VPS41: variants seen among roughly 807,000 people sequenced by gnomAD.
VPS41 encodes the protein vacuolar protein sorting-associated protein 41 homolog.
VPS41 carries 85 observed loss-of-function variants against 130.9 expected under a neutral mutation model. The ratio of observed to expected loss-of-function variants is 0.65; its 90% CI spans 0.55 to 0.78. The LOEUF is 0.78. Among genes scored for constraint, VPS41 ranks in the 30% least tolerant of loss-of-function variants. The probability of loss-of-function intolerance (pLI) is 0.00; values close to 1 mark genes in which losing one functional copy is unlikely to be tolerated. For synonymous variants in VPS41, 335 were observed against 332.9 expected (o/e 1.01, Z -0.07); for missense variants, 874 against 1,018.7 (o/e 0.86, Z 1.93).
Position 38,726,281 on chromosome 7 carries a change from C to CACGG in VPS41, c.2526_2529dup (p.Gly844ProfsTer86). On this transcript the variant is annotated frameshift_variant, in exon 29 of 29. Coordinates refer to ENST00000310301, the MANE Select transcript of VPS41 (RefSeq NM_014396.4). LOFTEE classifies it high-confidence loss of function. ...ATCTCCAAAATTGCACTTCCTGGTC[C>CACGG]ACGGTTCTTAGCACTGCAGATGTTG... 2 of 1,613,950 alleles carry CACGG rather than the reference C, an allele frequency of 1.2e-6. No individual in the cohort carries two copies. Among genetic ancestry groups the CACGG allele is most frequent in the Non-Finnish European group, 1.7e-6 (2 of 1,179,918 alleles).
At position 38,795,563 on chromosome 7, in the gene VPS41, G is replaced by A; in HGVS notation, c.619C>T (p.Pro207Ser). The change falls in exon 9 of 29, where the codon CCC becomes TCC. Residue 207 changes from proline (P) to serine (S), a missense_variant. Pro to Ser is a moderately conservative substitution (Grantham distance 74). Transcript: ENST00000310301. ...IISKQRITNV[P>S]RDDISLRPDM... ...GGGCGAAGACTTATATCATCCCGGG[G>A]CACATTGGTGATTCTTTGCTTTGAG... The A allele has an allele frequency of 1.2e-6, 2 of 1,612,904 alleles. No homozygotes were observed. Among genetic ancestry groups the A allele is most frequent in the Non-Finnish European group, 1.7e-6 (2 of 1,179,282 alleles).
intron 7 of VPS41, among the ~76,000 whole-genome samples, chr7:38,817,234 T>C (rs1323131971): frequency 1.2e-4 from 19 of 152,236 alleles, no homozygotes; most frequent in Admixed American, 1.2e-3. Flanking sequence ...TGCCTCTTTT[T>C]TGTGGGAGGG....
intron 1 of VPS41, among the ~76,000 whole-genome samples, chr7:38,905,950 T>G (rs1482861191): frequency 6.6e-6 from 1 of 151,698 alleles, no homozygotes; most frequent in East Asian, 1.9e-4. Flanking sequence ...CCCACCACCA[T>G]GCCTGACTAA....
chr7:38,822,935 T>C (rs1018966153), intron 5 of VPS41, among the ~76,000 whole-genome samples: 41 of 152,220 alleles, frequency 2.7e-4, no homozygotes, highest in African/African-American at 9.9e-4. Context: ...CAATGAGAAC[T>C]ATTTCCCAAC....
intron 10 of VPS41, among the ~76,000 whole-genome samples, chr7:38,782,760 CAAGA>C (rs1388295068): frequency 1.3e-5 from 2 of 152,144 alleles, no homozygotes; most frequent in Non-Finnish European, 2.9e-5. Flanking sequence ...TAAAAATTAA[CAAGA>C]AAGAACTTTC....
chr7:38,797,505 T>C (rs1784644629), intron 7 of VPS41, among the ~76,000 whole-genome samples: 1 of 152,218 alleles, frequency 6.6e-6, no homozygotes, highest in Non-Finnish European at 1.5e-5. Context: ...CTACGATTAA[T>C]AAAGATGTAA....
chr7:38,882,302 C>T (rs1786626557), intron 2 of VPS41, among the ~76,000 whole-genome samples: 1 of 152,218 alleles, frequency 6.6e-6, no homozygotes, highest in African/African-American at 2.4e-5. Context: ...TGGGGCACCA[C>T]TCTCTCCTGG....
At chr7:38,909,114 C>T (rs200250461) in intron 1 of VPS41, 40 bp downstream of exon 1, 2 of 1,613,794 alleles carry the variant, frequency 1.2e-6, no homozygotes, top group Admixed American at 3.3e-5. Context: ...ACCCTAGTCT[C>T]TATATCCCTG....
At chr7:38,837,802 T>C (rs1238268155) in intron 4 of VPS41, among the ~76,000 whole-genome samples, 1 of 152,258 alleles carries the variant, frequency 6.6e-6, no homozygotes, top group South Asian at 2.1e-4. Flanking sequence ...GCATTGGTTA[T>C]ATCTGAGTGC....
intron 1 of VPS41, 106 bp downstream of exon 1, chr7:38,909,048 C>A: frequency 7.2e-7 from 1 of 1,389,744 alleles, no homozygotes; most frequent in Non-Finnish European, 1.0e-6. Flanking sequence ...CTGCCTTGCG[C>A]TATTCCAGCA....
chr7:38,849,147 TCTC>T (rs1785792800), intron 4 of VPS41, among the ~76,000 whole-genome samples: 1 of 152,066 alleles, frequency 6.6e-6, no homozygotes, highest in East Asian at 1.9e-4. Context: ...AGTTCCCTCA[TCTC>T]CTTCACAGGG....
intron 7 of VPS41, among the ~76,000 whole-genome samples, chr7:38,806,648 C>T (rs970547122): frequency 5.9e-5 from 9 of 152,146 alleles, no homozygotes; most frequent in Admixed American, 1.3e-4. Flanking sequence ...TGCCCAGACA[C>T]AAATATTGTT....
chr7:38,784,557 C>G (rs1784404216), intron 10 of VPS41, among the ~76,000 whole-genome samples: 1 of 151,190 alleles, frequency 6.6e-6, no homozygotes, highest in Non-Finnish European at 1.5e-5. Context: ...ATCGCTTTGG[C>G]CCAGGAGGCT....
At chr7:38,758,549 T>A in intron 17 of VPS41, 68 bp from the exon 18 acceptor site, 4 of 1,484,974 alleles carry the variant, frequency 2.7e-6, no homozygotes, top group Non-Finnish European at 3.7e-6. Context: ...TATTGTGAAA[T>A]ATACATTTGG....
intron 13 of VPS41, among the ~76,000 whole-genome samples, chr7:38,771,967 G>A (rs1485274498): frequency 6.6e-6 from 1 of 151,798 alleles, no homozygotes; most frequent in Non-Finnish European, 1.5e-5. Flanking sequence ...TATTTGTTGT[G>A]GATGTTGTTT....
chr7:38,843,681 C>CAAAAAAAAAAAA (rs796516716), intron 4 of VPS41, among the ~76,000 whole-genome samples: 1 of 80,508 alleles, frequency 1.2e-5, no homozygotes. Context: ...GACTCCGTCT[C>CAAAAAAAAAAAA]AAAAAAAAAA....
At chr7:38,838,699 T>A (rs1467777199) in intron 4 of VPS41, among the ~76,000 whole-genome samples, 1 of 152,108 alleles carries the variant, frequency 6.6e-6, no homozygotes, top group East Asian at 1.9e-4. Context: ...CCACTACAGG[T>A]GGTCTCAAGT....
intron 4 of VPS41, among the ~76,000 whole-genome samples, chr7:38,834,077 G>C (rs1229889687): frequency 6.6e-6 from 1 of 150,454 alleles, no homozygotes; most frequent in Non-Finnish European, 1.5e-5. Flanking sequence ...AAAAGTTTTT[G>C]ATGAAACTCA....
intron 25 of VPS41, 54 bp from the exon 26 acceptor site, chr7:38,728,845 G>A: frequency 1.3e-6 from 2 of 1,499,814 alleles, no homozygotes; most frequent in Non-Finnish European, 9.3e-7. Context: ...AAATCTGAGG[G>A]GTGAAGGGAC....
Sources: gnomAD v4.1 joint callset for allele counts (sites outside exome capture counted in the v4.1 genomes callset) on GRCh38, gnomAD v4.1.1 for gene constraint, MANE v1.5 for transcripts, NCBI Gene and HGNC (gene_info 2026-07-23, HGNC 2026-07-21) for gene names.